Variants in CTC1 observed in about 807,000 individuals in gnomAD.
CTC1 encodes CST complex subunit CTC1.
A neutral mutation model predicts 136.3 loss-of-function variants in CTC1; 91 were observed. That is an observed-to-expected ratio of 0.67 (90% CI 0.56 to 0.79). CTC1 has a LOEUF of 0.79. Among genes scored for constraint, CTC1 ranks in the 30% least tolerant of loss-of-function variants. The probability of loss-of-function intolerance (pLI) is 0.00; values close to 1 mark genes in which losing one functional copy is unlikely to be tolerated. For synonymous variants in CTC1, 606 were observed against 613.8 expected, an observed-to-expected ratio of 0.99 and a Z score of 0.19; for missense variants, 1,432 against 1,498.1, an observed-to-expected ratio of 0.96 and a Z score of 0.73.
Position 8,228,282 on chromosome 17 carries a change from G to C in CTC1, c.3552C>G (p.Leu1184=). Reference sequence around the variant, plus strand: ...TGGGGTTCACGTGAGTCAGGAAAGGGAGCTCTCCACACTGGAATCGCTGTA... The same window carrying C: ...TGGGGTTCACGTGAGTCAGGAAAGGCAGCTCTCCACACTGGAATCGCTGTA... ...PRLQRFQCGE[L]PFLTHVNPRL... is the part of the protein sequence containing the mutation. Residue 1184 remains leucine, a synonymous_variant, in exon 23 of 23, where the codon CTC becomes CTG. Transcript: ENST00000651323. 6.2e-7 allele frequency: 1 copy of C among 1,614,106 alleles called. No homozygotes were observed. Among genetic ancestry groups the C allele is most frequent in the Non-Finnish European group, 8.5e-7 (1 of 1,179,994 alleles).
intron 10 of CTC1, among the ~76,000 whole-genome samples, chr17:8,234,201 T>C (rs530327636): frequency 1.3e-5 from 2 of 152,160 alleles, no homozygotes; most frequent in Non-Finnish European, 2.9e-5. Context: ...TCTCAAACTC[T>C]TGGGCTCCAG....
rs1209960009 is a variant in CTC1, at chr17:8,226,270, T to G, written c.*1910A>C. 6.6e-6 allele frequency: 1 copy of G among 152,278 alleles called. No individual in the cohort carries two copies. The highest frequency in any genetic ancestry group is 1.5e-5 in the Non-Finnish European group (1 of 68,036). The allele number at this position is 152,278 out of a possible 1,614,324, so 9.4% of individuals were successfully genotyped here. On this transcript the variant is annotated 3_prime_UTR_variant, in exon 23 of 23. Coordinates refer to ENST00000651323, the MANE Select transcript of CTC1 (RefSeq NM_025099.6). ...GGGATTCGAACCCAGGATCTCCTGTTTACTAGACAGGCGCTTTAACCAACT... is the reference window on the plus strand; with the variant it reads ...GGGATTCGAACCCAGGATCTCCTGTGTACTAGACAGGCGCTTTAACCAACT...
In CTC1 at chr17:8,232,345, A is replaced by AC. The variant is rs766651168; in HGVS notation, c.2060+15dup. 54 of 1,609,542 alleles carry AC rather than the reference A, an allele frequency of 3.4e-5. No individual in the cohort carries two copies. Among genetic ancestry groups the AC allele is most frequent in the Non-Finnish European group, 4.3e-5 (51 of 1,177,490 alleles). On this transcript the variant is annotated intron_variant, in intron 12 of 22. Coordinates refer to ENST00000651323, the MANE Select transcript of CTC1 (RefSeq NM_025099.6). ...TCCCCCCAGACTCAAGACAACCATG[A>AC]CCCCAAGGAGCCAACCTGGCCTGCT...
chr17:8,227,069 ACTT>A lies in CTC1; in HGVS notation c.*1108_*1110del, dbSNP rs1567594256. ...AACCAACTGAGCTAACCGGCCACTAACTTTCCGGGTCTACTTCAAATCTTAATA... is the reference window on the plus strand; with the variant it reads ...AACCAACTGAGCTAACCGGCCACTAATCCGGGTCTACTTCAAATCTTAATA... On this transcript the variant is annotated 3_prime_UTR_variant, in exon 23 of 23. Transcript: ENST00000651323. The A allele has an allele frequency of 6.6e-6, 1 of 150,796 alleles. No homozygotes were observed. Among genetic ancestry groups the A allele is most frequent in the Non-Finnish European group, 1.5e-5 (1 of 68,024 alleles). 9.3% of individuals were successfully genotyped at this position (150,796 alleles called of 1,614,324 possible).
intron 2 of CTC1, among the ~76,000 whole-genome samples, chr17:8,240,141 C>T (rs1988084509): frequency 6.7e-6 from 1 of 150,020 alleles, no homozygotes; most frequent in Admixed American, 6.7e-5. Flanking sequence ...AAAAAGCAAC[C>T]AGAGAGAACT....
At position 8,235,834 on chromosome 17, in the gene CTC1, C is replaced by A; in HGVS notation, c.1203G>T (p.Leu401=). Residue 401 remains leucine, a synonymous_variant, in exon 7 of 23, where the codon CTG becomes CTT. Transcript: ENST00000651323. The stretch of plus-strand genomic sequence containing the variant: ...TATCAGCCCTGATCTCACATACCTG[C>A]AGACACACTCCAGGTCGCATCACCC... ...LRRVMRPGVC[L]QLQDVHLLQS... is the part of the protein sequence containing the mutation. 6.2e-7 allele frequency: 1 copy of A among 1,607,800 alleles called. No homozygotes were observed. Among genetic ancestry groups the A allele is most frequent in the Middle Eastern group, 1.7e-4 (1 of 6,048 alleles).
chr17:8,229,027 C>CA, intron 20 of CTC1, 115 bp downstream of exon 20: 1 of 1,471,442 alleles, frequency 6.8e-7, no homozygotes, highest in South Asian at 1.2e-5. Context: ...TTCATTCGTT[C>CA]AAAAAATATT....
At chr17:8,241,078 C>CTTGTACA (rs1988175212) in intron 2 of CTC1, among the ~76,000 whole-genome samples, 1 of 151,766 alleles carries the variant, frequency 6.6e-6, no homozygotes, top group Non-Finnish European at 1.5e-5. Flanking sequence ...CACCTGAGGT[C>CTTGTACA]AGGAGTTCAA....
At position 8,243,047 on chromosome 17, in the gene CTC1, ACAAT is replaced by A. The variant is rs1250113146; in HGVS notation, c.131_134del (p.Asp44ValfsTer2). The A allele has an allele frequency of 6.2e-7, 1 of 1,614,044 alleles. No homozygotes were observed. The highest frequency in any genetic ancestry group is 1.3e-5 in the African/African-American group (1 of 75,052). ...CCTGGGACAACCAGACAGTCTTCAC[ACAAT>A]CAATTACCAATGGAGTCAACTGGAC... On this transcript the variant is annotated frameshift_variant, in exon 2 of 23. Coordinates refer to ENST00000651323, the MANE Select transcript of CTC1 (RefSeq NM_025099.6). LOFTEE classifies it high-confidence loss of function.
rs1161961298 is a variant in CTC1 at position 8,236,088 on chromosome 17, A to G, written c.1047T>C (p.Leu349=). The change falls in exon 6 of 23, where the codon CTT becomes CTC. Residue 349 remains leucine (L), a synonymous_variant. Coordinates refer to ENST00000651323, the MANE Select transcript of CTC1 (RefSeq NM_025099.6). Reference sequence around the variant, plus strand: ...AGGATAGGAGTCTAGAATACCGGACAAGACTTTCTGGATCCTTCTTGTCCT... The same window carrying G: ...AGGATAGGAGTCTAGAATACCGGACGAGACTTTCTGGATCCTTCTTGTCCT... ...NSEDKKDPES[L]VRYSRLLSYS... 9.9e-6 allele frequency: 16 copies of G among 1,614,152 alleles called. No individual in the cohort carries two copies. Among genetic ancestry groups the G allele is most frequent in the East Asian group, 2.2e-5 (1 of 44,888 alleles).
rs767490808 is a variant in CTC1 at position 8,238,163 on chromosome 17, T to C, written c.515A>G (p.Asn172Ser). 1.1e-5 allele frequency: 18 copies of C among 1,614,052 alleles called. No homozygotes were observed. Among genetic ancestry groups the C allele is most frequent in the South Asian group, 3.3e-5 (3 of 91,072 alleles). Residue 172 changes from asparagine to serine, a missense_variant, in exon 4 of 23, where the codon AAT becomes AGT. Transcript: ENST00000651323. ...CTCCAAGTGCCCTTCCCCTGAGGAA[T>C]TCCACCTGGCAGGAGGGAGGTAACT... ...RWSYLPPARW[N>S]SSGEGHLELW...
intron 4 of CTC1, 144 bp from the exon 5 acceptor site, chr17:8,237,663 C>A (rs1163849768): frequency 1.5e-4 from 7 of 46,316 alleles, no homozygotes; most frequent in East Asian, 3.4e-4. Flanking sequence ...GAAACTACGT[C>A]TCAAAAAAAA....
Position 8,226,420 on chromosome 17 carries a change from G to T in CTC1, c.*1760C>A, listed in dbSNP as rs969560298. On this transcript the variant is annotated 3_prime_UTR_variant, in exon 23 of 23. Coordinates refer to ENST00000651323, the MANE Select transcript of CTC1 (RefSeq NM_025099.6). ...TAATTTGGTAACTCAACTGGCTCTTGCATCACTTGTCCATTCCTCGGATTT... is the reference window on the plus strand; with the variant it reads ...TAATTTGGTAACTCAACTGGCTCTTTCATCACTTGTCCATTCCTCGGATTT... 6.6e-6 allele frequency: 1 copy of T among 152,172 alleles called. No homozygotes were observed. The highest frequency in any genetic ancestry group is 2.4e-5 in the African/African-American group (1 of 41,440). 9.4% of individuals were successfully genotyped at this position (152,172 alleles called of 1,614,324 possible).
At position 8,237,350 on chromosome 17, in the gene CTC1, T is replaced by C. The variant is rs1987816461; in HGVS notation, c.792+25A>G. On this transcript the variant is annotated intron_variant, in intron 5 of 22. Transcript: ENST00000651323. ...GTTCTACCACCCTCCCCCACTTCCA[T>C]GGCTGAAATGACCCCAGTCCTCACC... 4.3e-6 allele frequency: 7 copies of C among 1,613,344 alleles called. 1 individual carries two copies. In the South Asian group the frequency reaches 7.7e-5, roughly 18 times the overall value.
rs908440419 is a variant in CTC1 at position 8,228,377 on chromosome 17, C to T, written c.3515-58G>A. 146 of 1,607,906 alleles carry T rather than the reference C, an allele frequency of 9.1e-5. No individual in the cohort carries two copies. The Middle Eastern group carries it at 1.2e-3, about 13-fold the overall frequency. ...CAGGCATGTGGCTTTTAGTTCCCAC[C>T]CACCATTCTCCTCCCTAACTCCAGA... On this transcript the variant is annotated intron_variant, in intron 22 of 22. Coordinates refer to ENST00000651323, the MANE Select transcript of CTC1 (RefSeq NM_025099.6).
chr17:8,225,720 T>A lies in CTC1; in HGVS notation c.*2460A>T, dbSNP rs961794222. The A allele has an allele frequency of 6.6e-6, 1 of 151,896 alleles. No homozygotes were observed. Among genetic ancestry groups the A allele is most frequent in the Middle Eastern group, 3.2e-3 (1 of 314 alleles). 9.4% of individuals were successfully genotyped at this position (151,896 alleles called of 1,614,324 possible). The stretch of plus-strand genomic sequence containing the variant: ...ACTCCTTACCCTGACATCCCGCTGG[T>A]GGAGAGGGATGGAGGTAACTGCAAG... On this transcript the variant is annotated 3_prime_UTR_variant, in exon 23 of 23. Transcript: ENST00000651323.
chr17:8,242,565 TATATATATATATATACAC>T (rs1379655369), intron 2 of CTC1, among the ~76,000 whole-genome samples: 2 of 142,366 alleles, frequency 1.4e-5, no homozygotes, highest in Admixed American at 1.4e-4. Flanking sequence ...TATATATATA[TATATATATATATATACAC>T]ATATATATAT....
At position 8,231,765 on chromosome 17, in the gene CTC1, G is replaced by A; in HGVS notation, c.2436C>T (p.His812=). 4 of 1,614,182 alleles carry A rather than the reference G, an allele frequency of 2.5e-6. No individual in the cohort carries two copies. The highest frequency in any genetic ancestry group is 1.1e-5 in the South Asian group (1 of 91,084). ...CTATGAGTCGGTACACCTGTCCCGG[G>A]TGCAAGAACTCAAACCAGCGGACTG... ...GSSVRWFEFL[H]PGQVYRLIAP... Residue 812 remains histidine (H), a synonymous_variant, in exon 14 of 23, where the codon CAC becomes CAT. Coordinates refer to ENST00000651323, the MANE Select transcript of CTC1 (RefSeq NM_025099.6).
chr17:8,234,383 C>A, intron 10 of CTC1, 72 bp downstream of exon 10: 1 of 1,400,532 alleles, frequency 7.1e-7, no homozygotes, highest in Non-Finnish European at 9.9e-7. Context: ...AAGATAGTAA[C>A]CGAGACTAGA....
Sources: gnomAD v4.1 joint callset for allele counts (sites outside exome capture counted in the v4.1 genomes callset) on GRCh38, gnomAD v4.1.1 for gene constraint, MANE v1.5 for transcripts, NCBI Gene and HGNC (gene_info 2026-07-23, HGNC 2026-07-21) for gene names.